SYNCRIP: variants seen among roughly 807,000 people sequenced by gnomAD.
SYNCRIP encodes the protein synaptotagmin binding cytoplasmic RNA interacting protein.
In SYNCRIP, 9 loss-of-function variants were observed where a neutral mutation model predicts 68.9. The ratio of observed to expected loss-of-function variants is 0.13; its 90% CI spans 0.08 to 0.23. The LOEUF (loss-of-function observed/expected upper bound fraction) is 0.23. Ranked by LOEUF, SYNCRIP falls within the 10% of genes least tolerant of loss-of-function variation. The pLI is 1.00. For missense variants in SYNCRIP, 414 were observed against 770.6 expected (o/e 0.54, Z 5.48); for synonymous variants, 258 against 254.0 (o/e 1.02, Z -0.15).
chr6:85,628,520 G>A (rs1043641899), intron 6 of SYNCRIP, among the ~76,000 whole-genome samples: 1 of 152,100 alleles, frequency 6.6e-6, no homozygotes, highest in Non-Finnish European at 1.5e-5. Context: ...CCTGATAATG[G>A]CAAACTAAAG....
At chr6:85,618,366 C>G (rs1012872778) in intron 10 of SYNCRIP, among the ~76,000 whole-genome samples, 4 of 151,576 alleles carry the variant, frequency 2.6e-5, no homozygotes, top group Non-Finnish European at 4.4e-5. Flanking sequence ...CATGACGAAA[C>G]CCCACCCCTA....
intron 6 of SYNCRIP, among the ~76,000 whole-genome samples, chr6:85,635,993 T>A (rs892851137): frequency 1.1e-4 from 17 of 152,068 alleles, no homozygotes; most frequent in Admixed American, 1.1e-3. Context: ...TAGTGAGCTA[T>A]CTTGTACAAA....
At chr6:85,639,799 A>C (rs1393641605) in intron 4 of SYNCRIP, among the ~76,000 whole-genome samples, 5 of 152,180 alleles carry the variant, frequency 3.3e-5, no homozygotes, top group Non-Finnish European at 7.3e-5. Flanking sequence ...GAAATAGTCT[A>C]ATAATCCATA....
At chr6:85,624,920 TATTG>T (rs1806867801) in intron 6 of SYNCRIP, among the ~76,000 whole-genome samples, 1 of 152,220 alleles carries the variant, frequency 6.6e-6, no homozygotes, top group South Asian at 2.1e-4. Flanking sequence ...CGGCAATAAT[TATTG>T]ATTAATCCTC....
chr6:85,613,320 C>T (rs1282871782), downstream of SYNCRIP, among the ~76,000 whole-genome samples: 3 of 152,132 alleles, frequency 2.0e-5, no homozygotes, highest in Non-Finnish European at 2.9e-5. Flanking sequence ...ACATCTCAGA[C>T]TTGTTTGACC....
chr6:85,635,522 C>T (rs1186633928), intron 6 of SYNCRIP, among the ~76,000 whole-genome samples: 1 of 152,076 alleles, frequency 6.6e-6, no homozygotes, highest in Admixed American at 6.6e-5. Context: ...GCAATCCCAG[C>T]ACTTTGCGGG....
chr6:85,614,847 G>A lies in SYNCRIP; in HGVS notation c.1781C>T (p.Pro594Leu), dbSNP rs372700686. 9.3e-6 allele frequency: 15 copies of A among 1,614,020 alleles called. 1 individual carries two copies. The highest frequency in any genetic ancestry group is 1.6e-4 in the Middle Eastern group (1 of 6,084). ...ACCAGAATGATCACCACCTTGGAGC[G>A]GTTGCTGAGCAATGGGTTGGGAGCC... ...NWGSQPIAQQ[P>L]LQGGDHSGNY... The change falls in exon 11 of 11, where the codon CCG becomes CTG. Residue 594 changes from proline to leucine, a missense_variant. Physicochemically the swap from Pro to Leu is moderately conservative, Grantham distance 98. Around this residue, in one of 6 missense-constraint regions of SYNCRIP, gnomAD observed 130 missense variants for 149.0 expected, o/e 0.87. Coordinates refer to ENST00000369622, the MANE Select transcript of SYNCRIP (RefSeq NM_006372.5).
rs536555614 is a variant in SYNCRIP at position 85,641,481 on chromosome 6, T to C, written c.-12-30A>G. 2.3e-5 allele frequency: 36 copies of C among 1,587,052 alleles called. 1 individual carries two copies. In the South Asian group the frequency reaches 3.4e-4, roughly 15 times the overall value. ...TCAAACGCAATAAGCAAAATTAAAC[T>C]AGGATCTTCAAAAAGAATACAAGAC... On this transcript the variant is annotated intron_variant, in intron 1 of 10. Transcript: ENST00000369622.
chr6:85,613,902 G>A (rs1437314043), downstream of SYNCRIP: 2 of 912,978 alleles, frequency 2.2e-6, no homozygotes, highest in Non-Finnish European at 2.6e-6. Context: ...AACCCTTTGA[G>A]ACTACCTGAA....
chr6:85,623,571 A>AAAAAAAAAAAG (rs1806679362), intron 7 of SYNCRIP, among the ~76,000 whole-genome samples: 1 of 147,876 alleles, frequency 6.8e-6, no homozygotes, highest in African/African-American at 2.6e-5. Flanking sequence ...CCAAAAAAAA[A>AAAAAAAAAAAG]AAAAAAAAAA....
Position 85,614,759 on chromosome 6 carries a change from C to G in SYNCRIP, c.1869G>C (p.Lys623Asn). 1 of 1,587,724 alleles carries G rather than the reference C, an allele frequency of 6.3e-7. No homozygotes were observed. The highest frequency in any genetic ancestry group is 1.2e-5 in the South Asian group (1 of 85,548). Reference protein sequence around the residue: ...FYQDTFGQQWK With the variant: ...FYQDTFGQQWN ...TTTTACAGAGGCCCTACTGTTTCTA[C>G]TTCCACTGTTGCCCAAAAGTATCCT... The change falls in exon 11 of 11, where the codon AAG becomes AAC. Residue 623 changes from lysine to asparagine, a missense_variant. By Grantham distance (94) the Lys-to-Asn change is moderately conservative. Coordinates refer to ENST00000369622, the MANE Select transcript of SYNCRIP (RefSeq NM_006372.5).
chr6:85,640,424 T>G, intron 3 of SYNCRIP, 22 bp downstream of exon 3: 1 of 1,590,198 alleles, frequency 6.3e-7, no homozygotes, highest in Non-Finnish European at 8.6e-7. Flanking sequence ...TTTTTTAATT[T>G]TCACATTGAC....
chr6:85,639,072 G>A (rs1808819506), intron 4 of SYNCRIP, among the ~76,000 whole-genome samples: 2 of 152,064 alleles, frequency 1.3e-5, no homozygotes, highest in South Asian at 2.1e-4. Flanking sequence ...GCTGGGCCTG[G>A]TGGCACCCAC....
chr6:85,610,883 A>AGATGAT (rs1222334878), downstream of SYNCRIP: 1 of 152,010 alleles, frequency 6.6e-6, no homozygotes, highest in East Asian at 1.9e-4. Context: ...GTTTTGAGAG[A>AGATGAT]GATGTACTTT....
chr6:85,617,270 CTCCTTTTCAAATATTAACAGATA>C (rs1805886471), intron 10 of SYNCRIP, among the ~76,000 whole-genome samples: 1 of 151,510 alleles, frequency 6.6e-6, no homozygotes. Flanking sequence ...TTAGTTTGTA[CTCCTTTTCAAATATTAACAGATA>C]TACTGACATC....
At chr6:85,625,715 G>GA (rs1488446941) in intron 6 of SYNCRIP, among the ~76,000 whole-genome samples, 2 of 152,094 alleles carry the variant, frequency 1.3e-5, no homozygotes, top group African/African-American at 2.4e-5. Context: ...CTATGGCTCT[G>GA]AAGAAATTGC....
chr6:85,616,782 C>T (rs188796606), intron 10 of SYNCRIP, among the ~76,000 whole-genome samples: 3 of 152,142 alleles, frequency 2.0e-5, no homozygotes, highest in South Asian at 2.1e-4. Flanking sequence ...GAAAGATCAT[C>T]CTTTTCTATT....
At chr6:85,625,932 G>A (rs963794444) in intron 6 of SYNCRIP, among the ~76,000 whole-genome samples, 2 of 152,144 alleles carry the variant, frequency 1.3e-5, no homozygotes, top group Non-Finnish European at 2.9e-5. Context: ...AAAGAAGTGG[G>A]GACTTGCTGC....
chr6:85,636,800 A>G (rs1272608928), intron 6 of SYNCRIP, among the ~76,000 whole-genome samples, 167 bp downstream of exon 6: 2 of 152,200 alleles, frequency 1.3e-5, no homozygotes, highest in African/African-American at 2.4e-5. Context: ...TCAACTATAC[A>G]TGCAAAGAAT....
Sources: allele counts gnomAD v4.1 joint callset (sites outside exome capture counted in the v4.1 genomes callset), GRCh38; gene constraint gnomAD v4.1.1; regional missense constraint gnomAD v4.1.1; transcripts MANE v1.5; gene names NCBI Gene and HGNC (gene_info 2026-07-23, HGNC 2026-07-21).